The following MAF variants were observed in gnomAD, a reference collection of about 807,000 sequenced individuals.
MAF encodes the protein MAF bZIP transcription factor.
Under a neutral mutation model 22.0 loss-of-function variants are expected in MAF, and 10 were observed. That is an observed-to-expected ratio of 0.45 (90% CI 0.28 to 0.77). The LOEUF is 0.77. MAF is among the 30% of genes least tolerant of loss of function. The pLI is 0.12. For synonymous variants in MAF, 337 were observed against 255.8 expected, an observed-to-expected ratio of 1.32 and a Z score of -3.03; for missense variants, 544 against 548.4, an observed-to-expected ratio of 0.99 and a Z score of 0.08.
the MAF span, among the ~76,000 whole-genome samples, chr16:79,402,582 G>A: frequency 0.027 from 4,170 of 152,342 alleles, 123 homozygotes; most frequent in African/African-American, 0.067. Flanking sequence ...CAGGGCTGGC[G>A]TGCAGGCTGA....
the MAF span, among the ~76,000 whole-genome samples, chr16:79,500,901 C>T: frequency 6.6e-6 from 1 of 152,048 alleles, no homozygotes; most frequent in East Asian, 1.9e-4. Context: ...TACTGCAAGC[C>T]CAGTTTCTCT....
At chr16:79,205,522 T>G in the MAF span, 1 of 152,214 alleles carries the variant, frequency 6.6e-6, no homozygotes, top group African/African-American at 2.4e-5. Context: ...CTAAATGGAT[T>G]CTCCAGAACA....
the MAF span, among the ~76,000 whole-genome samples, chr16:79,389,492 C>A: frequency 1.3e-5 from 2 of 152,156 alleles, no homozygotes; most frequent in Non-Finnish European, 2.9e-5. Flanking sequence ...GAACTCCTGA[C>A]CTCAAGTGAT....
the MAF span, among the ~76,000 whole-genome samples, chr16:79,552,699 C>T: frequency 2.6e-5 from 4 of 152,180 alleles, no homozygotes; most frequent in African/African-American, 9.7e-5. Context: ...CCATAGCCGG[C>T]CTTGCTGGGC....
chr16:79,313,423 T>A, the MAF span, among the ~76,000 whole-genome samples: 1 of 152,048 alleles, frequency 6.6e-6, no homozygotes, highest in Admixed American at 6.6e-5. Context: ...CATGACCAGG[T>A]CCATGATGTT....
At chr16:79,236,544 C>G in the MAF span, among the ~76,000 whole-genome samples, 11,018 of 152,028 alleles carry the variant, frequency 0.072, 581 homozygotes, top group Middle Eastern at 0.15. Flanking sequence ...TGAGATCTTT[C>G]AAAACATAAA....
the MAF span, among the ~76,000 whole-genome samples, chr16:79,513,566 G>C: frequency 6.9e-6 from 1 of 144,044 alleles, no homozygotes; most frequent in African/African-American, 2.8e-5. Context: ...CAGTGTTTCT[G>C]AAGTCAAACA....
chr16:79,370,181 T>G, the MAF span, among the ~76,000 whole-genome samples: 1 of 151,964 alleles, frequency 6.6e-6, no homozygotes, highest in Non-Finnish European at 1.5e-5. Context: ...GTAAAAGGAG[T>G]AGTCTTAATA....
chr16:79,362,228 G>A, the MAF span, among the ~76,000 whole-genome samples: 2 of 152,174 alleles, frequency 1.3e-5, no homozygotes, highest in Non-Finnish European at 2.9e-5. Flanking sequence ...CATAGTCAGT[G>A]CACATAAATA....
chr16:79,596,480 C>A (rs976462326), intron 1 of MAF: 173 of 1,036,674 alleles, frequency 1.7e-4, no homozygotes, highest in Middle Eastern at 8.7e-4. Context: ...AGTACAGAAT[C>A]AAAAAAAAAT....
At chr16:79,404,230 C>G in the MAF span, among the ~76,000 whole-genome samples, 2 of 144,394 alleles carry the variant, frequency 1.4e-5, no homozygotes, top group Non-Finnish European at 3.0e-5. Context: ...GTGGCACAAT[C>G]TCGGCTCACT....
At chr16:79,340,302 G>C in the MAF span, among the ~76,000 whole-genome samples, 1 of 151,778 alleles carries the variant, frequency 6.6e-6, no homozygotes, top group African/African-American at 2.4e-5. Context: ...AAGATGCCTT[G>C]TTATTATTGT....
chr16:79,319,803 G>A, the MAF span, among the ~76,000 whole-genome samples: 22 of 152,180 alleles, frequency 1.4e-4, no homozygotes, highest in Non-Finnish European at 2.6e-4. Context: ...AGTTGAGGGA[G>A]AGAAACAATG....
chr16:79,280,283 G>A, the MAF span, among the ~76,000 whole-genome samples: 7 of 152,222 alleles, frequency 4.6e-5, no homozygotes, highest in Non-Finnish European at 1.0e-4. Context: ...GAGAAGAGAG[G>A]TCTGGGGCAG....
At chr16:79,457,552 T>G in the MAF span, among the ~76,000 whole-genome samples, 1 of 152,140 alleles carries the variant, frequency 6.6e-6, no homozygotes, top group Non-Finnish European at 1.5e-5. Flanking sequence ...ATGCTGACAA[T>G]AGTGGAGCTA....
At chr16:79,329,304 C>T in the MAF span, among the ~76,000 whole-genome samples, 6 of 152,154 alleles carry the variant, frequency 3.9e-5, no homozygotes, top group African/African-American at 1.2e-4. Flanking sequence ...GGTAATAATC[C>T]GACTCTAGAC....
the MAF span, among the ~76,000 whole-genome samples, chr16:79,217,176 C>T: frequency 6.6e-6 from 1 of 152,134 alleles, no homozygotes; most frequent in Non-Finnish European, 1.5e-5. Context: ...ATGGGTTAGG[C>T]AAATCACTTT....
the MAF span, among the ~76,000 whole-genome samples, chr16:79,308,103 A>G: frequency 6.6e-6 from 1 of 152,194 alleles, no homozygotes; most frequent in South Asian, 2.1e-4. Context: ...AGACTGTGTC[A>G]TATCTATGGT....
the MAF span, among the ~76,000 whole-genome samples, chr16:79,289,382 G>T: frequency 0.92 from 139,396 of 151,952 alleles, 63,948 homozygotes; most frequent in East Asian, 1. Context: ...TGGAGTGGCA[G>T]TGGGGAGAAG....
Sources: gnomAD v4.1 joint callset for allele counts (sites outside exome capture counted in the v4.1 genomes callset) on GRCh38, gnomAD v4.1.1 for gene constraint, MANE v1.5 for transcripts, NCBI Gene and HGNC (gene_info 2026-07-23, HGNC 2026-07-21) for gene names.